The following COBL variants were observed in gnomAD, a reference collection of about 807,000 sequenced individuals.
COBL encodes the protein protein cordon-bleu.
Under a neutral mutation model 98.8 loss-of-function variants are expected in COBL, and 51 were observed. The ratio of observed to expected loss-of-function variants is 0.52; its 90% CI spans 0.41 to 0.65. The LOEUF is 0.65. COBL is among the 30% of genes least tolerant of loss of function. The probability of loss-of-function intolerance (pLI) is 0.00; values close to 1 mark genes in which losing one functional copy is unlikely to be tolerated. For missense variants in COBL, 1,617 were observed against 1,617.5 expected (o/e 1.00, Z 0.01); for synonymous variants, 634 against 651.7 (o/e 0.97, Z 0.41).
chr7:51,029,633 C>A, intron 9 of COBL, 42 bp from the exon 10 acceptor site: 4 of 1,504,428 alleles, frequency 2.7e-6, no homozygotes, highest in Non-Finnish European at 3.6e-6. Context: ...GTTTCCCACA[C>A]CAATTACTTA....
In COBL at chr7:51,209,073, C is replaced by A. The variant is rs865851805; in HGVS notation, c.245+10668G>T. 6.4e-3 allele frequency among the ~76,000 whole-genome samples: 557 copies of A among 86,730 alleles called. 5 individuals carry two copies. Among genetic ancestry groups the A allele is most frequent in the Middle Eastern group, 0.038 (5 of 130 alleles). 56.9% of individuals were successfully genotyped at this position (86,730 alleles called of 152,430 possible). A position where few individuals can be genotyped will look rare whatever the true frequency, so the allele number is the denominator to read the frequency against. Reference sequence around the variant, plus strand: ...AAAAAAAAAAAAAAAAAAAAAAAAACATTTGCAAAGCCCTAGGTGCCTGAT... The same window carrying A: ...AAAAAAAAAAAAAAAAAAAAAAAAAAATTTGCAAAGCCCTAGGTGCCTGAT... On this transcript the variant is annotated intron_variant, in intron 2 of 12. Coordinates refer to ENST00000265136, the MANE Select transcript of COBL (RefSeq NM_015198.5).
At chr7:51,243,445 A>G (rs557103913) in intron 1 of COBL, among the ~76,000 whole-genome samples, 2 of 152,336 alleles carry the variant, frequency 1.3e-5, no homozygotes, top group East Asian at 3.9e-4. Context: ...TGGAAATTTA[A>G]AATTATATAC....
At chr7:51,205,344 G>A (rs534034484) in intron 2 of COBL, among the ~76,000 whole-genome samples, 7 of 152,160 alleles carry the variant, frequency 4.6e-5, no homozygotes, top group African/African-American at 1.2e-4. Context: ...AAAATAGAGA[G>A]CCCAAAAATA....
At chr7:51,309,535 G>A (rs1802818761) in intron 1 of COBL, among the ~76,000 whole-genome samples, 1 of 152,214 alleles carries the variant, frequency 6.6e-6, no homozygotes, top group Admixed American at 6.5e-5. Flanking sequence ...AAGCACATCA[G>A]TTCCAAATAT....
At chr7:51,123,207 G>A (rs1208119590) in intron 6 of COBL, among the ~76,000 whole-genome samples, 1 of 152,148 alleles carries the variant, frequency 6.6e-6, no homozygotes, top group East Asian at 1.9e-4. Context: ...CCGTATCTGA[G>A]CAAAACTGAC....
At chr7:51,109,363 G>C (rs1796625158) in intron 6 of COBL, among the ~76,000 whole-genome samples, 1 of 152,156 alleles carries the variant, frequency 6.6e-6, no homozygotes, top group Admixed American at 6.5e-5. Context: ...GCTCCAACTG[G>C]TTCTGCATCA....
intron 6 of COBL, among the ~76,000 whole-genome samples, chr7:51,099,265 A>G (rs1795596270): frequency 6.6e-6 from 1 of 152,232 alleles, no homozygotes; most frequent in South Asian, 2.1e-4. Context: ...ACTTCTGGAT[A>G]TACATCCAAA....
chr7:51,211,364 G>A (rs1792411222), intron 2 of COBL, among the ~76,000 whole-genome samples: 1 of 152,234 alleles, frequency 6.6e-6, no homozygotes, highest in South Asian at 2.1e-4. Flanking sequence ...GGGGCTGACT[G>A]CATCCTCTGT....
Position 51,145,672 on chromosome 7 carries a change from C to T in COBL, c.784-9341G>A, listed in dbSNP as rs1583953007. ...GGGATAACAGGAGTGAGCCGCCACA[C>T]CTGGCCTGTTATTCCTCTGTTTAAC... On this transcript the variant is annotated intron_variant, in intron 5 of 12. Transcript: ENST00000265136. Among the ~76,000 whole-genome samples the T allele has an allele frequency of 3.3e-5, 5 of 152,342 alleles. No individual in the cohort carries two copies. In the South Asian group the frequency reaches 8.3e-4, roughly 25 times the overall value.
intron 1 of COBL, among the ~76,000 whole-genome samples, chr7:51,223,143 C>T (rs138507583): frequency 6.6e-6 from 1 of 152,376 alleles, no homozygotes; most frequent in Non-Finnish European, 1.5e-5. Flanking sequence ...GCACGCACTG[C>T]TTACACGCCT....
chr7:51,123,805 C>T (rs116516730), intron 6 of COBL, among the ~76,000 whole-genome samples: 2,055 of 152,260 alleles, frequency 0.013, 56 homozygotes, highest in African/African-American at 0.026. Flanking sequence ...TGCAGTGCTA[C>T]GCCATGTGAC....
At chr7:51,127,267 T>C (rs1161930335) in intron 6 of COBL, among the ~76,000 whole-genome samples, 1 of 152,074 alleles carries the variant, frequency 6.6e-6, no homozygotes, top group Non-Finnish European at 1.5e-5. Flanking sequence ...CAGAGTCCGG[T>C]TTCTTGAAAG....
rs1800662899 is a variant in COBL at position 51,289,161 on chromosome 7, T to C, written c.41+27432A>G. ...CTGATTGTTTCATAACAGTTTCCTTTTTAAATTGTTATTCTTTCCCAAATA... is the reference window on the plus strand; with the variant it reads ...CTGATTGTTTCATAACAGTTTCCTTCTTAAATTGTTATTCTTTCCCAAATA... On this transcript the variant is annotated intron_variant, in intron 1 of 12. Coordinates refer to ENST00000265136, the MANE Select transcript of COBL (RefSeq NM_015198.5). 2.0e-5 allele frequency among the ~76,000 whole-genome samples: 3 copies of C among 152,134 alleles called. No homozygotes were observed. The South Asian group carries it at 6.2e-4, about 31-fold the overall frequency.
chr7:51,154,549 C>T (rs767015186), intron 5 of COBL, among the ~76,000 whole-genome samples: 1 of 152,186 alleles, frequency 6.6e-6, no homozygotes, highest in Non-Finnish European at 1.5e-5. Context: ...TGAGGCTTCT[C>T]TTTCATCAGC....
chr7:51,227,695 G>A (rs1794339682), intron 1 of COBL, among the ~76,000 whole-genome samples: 1 of 152,126 alleles, frequency 6.6e-6, no homozygotes, highest in Admixed American at 6.5e-5. Flanking sequence ...AAACCACCCT[G>A]ATGACCAGGG....
intron 1 of COBL, among the ~76,000 whole-genome samples, chr7:51,273,123 G>A (rs1434908473): frequency 1.3e-5 from 2 of 152,242 alleles, no homozygotes; most frequent in East Asian, 3.9e-4. Context: ...GAGGTCAGGA[G>A]TTCAGGATCA....
chr7:51,226,522 T>TGAGTGAGTGAG (rs1794200358), intron 1 of COBL, among the ~76,000 whole-genome samples: 7 of 150,432 alleles, frequency 4.7e-5, no homozygotes, highest in Non-Finnish European at 8.9e-5. Flanking sequence ...CACCACTGCG[T>TGAGTGAGTGAG]TGAGTGAGTG....
At chr7:51,204,752 T>C (rs1429064192) in intron 2 of COBL, among the ~76,000 whole-genome samples, 1 of 152,074 alleles carries the variant, frequency 6.6e-6, no homozygotes, top group Non-Finnish European at 1.5e-5. Flanking sequence ...GGATTCACCA[T>C]GTTGGCCAGG....
At chr7:51,045,415 C>T (rs965858824) in intron 7 of COBL, among the ~76,000 whole-genome samples, 2 of 152,090 alleles carry the variant, frequency 1.3e-5, no homozygotes, top group Admixed American at 1.3e-4. Context: ...TCTGAAGGGA[C>T]AGACACGTAC....
Sources: gnomAD v4.1 joint callset for allele counts (sites outside exome capture counted in the v4.1 genomes callset) on GRCh38, gnomAD v4.1.1 for gene constraint, MANE v1.5 for transcripts, NCBI Gene and HGNC (gene_info 2026-07-23, HGNC 2026-07-21) for gene names.